The following CCT7 variants were observed in gnomAD, a reference collection of about 807,000 sequenced individuals.
CCT7 encodes chaperonin containing TCP1 subunit 7, also known as T-complex protein 1 subunit eta.
CCT7 carries 16 observed loss-of-function variants against 56.6 expected under a neutral mutation model. The observed-to-expected ratio is 0.28, with a 90% confidence interval of 0.19 to 0.43. The LOEUF (loss-of-function observed/expected upper bound fraction) is 0.43, where lower values mean the gene tolerates loss of function less well. Among genes scored for constraint, CCT7 ranks in the 20% least tolerant of loss-of-function variants. The pLI, the probability that CCT7 is intolerant of heterozygous loss-of-function variation, is 1.00. For missense variants in CCT7, 519 were observed against 685.6 expected, an observed-to-expected ratio of 0.76 and a Z score of 2.71; for synonymous variants, 262 against 254.8, an observed-to-expected ratio of 1.03 and a Z score of -0.27.
At chr2:73,236,497 C>T (rs1042258233) in intron 1 of CCT7, among the ~76,000 whole-genome samples, 7 of 152,148 alleles carry the variant, frequency 4.6e-5, no homozygotes, top group Non-Finnish European at 7.3e-5. Flanking sequence ...TACGCCACCA[C>T]GCCTGGCTAA....
chr2:73,249,224 A>C, intron 8 of CCT7, 45 bp downstream of exon 8: 1 of 1,513,490 alleles, frequency 6.6e-7, no homozygotes, highest in Non-Finnish European at 9.0e-7. Context: ...TGTGGCCCTG[A>C]AGGGTTTTCA....
intron 5 of CCT7, chr2:73,244,333 G>T (rs1157398210): frequency 1.7e-5 from 10 of 602,000 alleles, no homozygotes; most frequent in Non-Finnish European, 2.9e-5. Context: ...CACAAAAGAA[G>T]CTGTCGACTG....
intron 3 of CCT7, among the ~76,000 whole-genome samples, chr2:73,240,858 A>G (rs1035946723): frequency 6.6e-6 from 1 of 151,422 alleles, no homozygotes; most frequent in African/African-American, 2.4e-5. Context: ...CATCTCTTAC[A>G]AAATGGGGCT....
In CCT7 at chr2:73,249,004, T is replaced by C; in HGVS notation, c.797T>C (p.Ile266Thr). Reference protein sequence around the residue: ...RVHTVEDYQAIVDAEWNILYD... With the variant: ...RVHTVEDYQATVDAEWNILYD... Reference sequence around the variant, plus strand: ...GGGTCTCTCCAGGATTATCAGGCAATTGTTGATGCTGAGTGGAACATTCTC... The same window carrying C: ...GGGTCTCTCCAGGATTATCAGGCAACTGTTGATGCTGAGTGGAACATTCTC... The change falls in exon 8 of 12, where the codon ATT (isoleucine) becomes ACT (threonine). Residue 266 changes from isoleucine to threonine, a missense_variant. Around this residue, in one of 3 missense-constraint regions of CCT7, gnomAD observed 276 missense variants for 357.3 expected, o/e 0.77. Coordinates refer to ENST00000258091, the MANE Select transcript of CCT7 (RefSeq NM_006429.4). 2 of 1,612,524 alleles carry C rather than the reference T, an allele frequency of 1.2e-6. No individual in the cohort carries two copies. Among genetic ancestry groups the C allele is most frequent in the Non-Finnish European group, 1.7e-6 (2 of 1,179,558 alleles).
intron 7 of CCT7, among the ~76,000 whole-genome samples, 167 bp from the exon 8 acceptor site, chr2:73,248,824 G>T (rs1396777030): frequency 6.6e-6 from 1 of 152,176 alleles, no homozygotes; most frequent in African/African-American, 2.4e-5. Context: ...GTCATCTCAT[G>T]GGGTCCTTAT....
At chr2:73,248,480 A>T (rs111602114) in intron 7 of CCT7, among the ~76,000 whole-genome samples, 9,862 of 151,928 alleles carry the variant, frequency 0.065, 691 homozygotes, top group African/African-American at 0.18. Flanking sequence ...CCTTCTGAGT[A>T]GCTGGGATTA....
At chr2:73,243,806 T>C (rs993745974) in intron 4 of CCT7, 191 bp from the exon 5 acceptor site, 24 of 603,362 alleles carry the variant, frequency 4.0e-5, no homozygotes, top group African/African-American at 3.2e-4. Flanking sequence ...CATTTCTGAC[T>C]TGGAATTTTC....
intron 10 of CCT7, 43 bp from the exon 11 acceptor site, chr2:73,251,183 A>G (rs753877559): frequency 7.6e-6 from 12 of 1,584,166 alleles, no homozygotes; most frequent in Non-Finnish European, 1.0e-5. Context: ...GGAAGCTTGG[A>G]CCAGGGGCCC....
In CCT7 at chr2:73,244,061, G is replaced by T; in HGVS notation, c.446+12G>T. ...AAGGCAGATAAAGTGTAAGTCTGTA[G>T]TGGGTTTTTTTTTTTTTTTTTAAAG... On this transcript the variant is annotated intron_variant, in intron 5 of 11. Coordinates refer to ENST00000258091, the MANE Select transcript of CCT7 (RefSeq NM_006429.4). 1.3e-6 allele frequency: 2 copies of T among 1,572,282 alleles called. No homozygotes were observed. Among genetic ancestry groups the T allele is most frequent in the South Asian group, 1.2e-5 (1 of 85,236 alleles).
chr2:73,243,655 T>C (rs762543936), intron 4 of CCT7, among the ~76,000 whole-genome samples: 1 of 152,322 alleles, frequency 6.6e-6, no homozygotes, highest in Admixed American at 6.5e-5. Flanking sequence ...GAAGTTGTCG[T>C]AGGTGTTTTT....
chr2:73,247,712 T>G, intron 6 of CCT7, 50 bp from the exon 7 acceptor site: 2 of 1,564,826 alleles, frequency 1.3e-6, no homozygotes, highest in Non-Finnish European at 1.8e-6. Flanking sequence ...TAGCTTGATT[T>G]TATTTCATGT....
Position 73,247,940 on chromosome 2 carries a change from C to T in CCT7, c.783+14C>T. 1 of 1,609,464 alleles carries T rather than the reference C, an allele frequency of 6.2e-7. No individual in the cohort carries two copies. The highest frequency in any genetic ancestry group is 8.5e-7 in the Non-Finnish European group (1 of 1,176,018). On this transcript the variant is annotated intron_variant, in intron 7 of 11. Transcript: ENST00000258091. Reference sequence around the variant, plus strand: ...CACACAGTTGAGGTAGGTGGGTTCACCAGTTGGTGGGGGCATGGAAATGGG... The same window carrying T: ...CACACAGTTGAGGTAGGTGGGTTCATCAGTTGGTGGGGGCATGGAAATGGG...
chr2:73,245,916 C>T (rs1336960462), intron 6 of CCT7, among the ~76,000 whole-genome samples: 9 of 152,158 alleles, frequency 5.9e-5, no homozygotes, highest in African/African-American at 1.9e-4. Context: ...GCTTTAGTAG[C>T]GATTTTTCAT....
intron 10 of CCT7, 134 bp downstream of exon 10, chr2:73,250,572 T>G (rs1687536347): frequency 3.1e-6 from 3 of 983,160 alleles, no homozygotes; most frequent in Non-Finnish European, 4.6e-6. Context: ...GAGCCCTGAT[T>G]TGCCCCACAA....
chr2:73,234,534 C>A, intron 1 of CCT7, 150 bp downstream of exon 1: 1 of 957,608 alleles, frequency 1.0e-6, no homozygotes, highest in Admixed American at 2.2e-5. Flanking sequence ...CCCAGCCAGC[C>A]GCGGCCTGGC....
chr2:73,250,307 T>A lies in CCT7; in HGVS notation c.1072T>A (p.Tyr358Asn). ...FEETQIGGER[Y>N]NFFTGCPKAK... ...TGTACTGTTTAATCCTGGGCATAGG[T>A]ACAATTTTTTTACTGGCTGCCCCAA... The change falls in exon 10 of 12, where the codon TAC (tyrosine) becomes AAC (asparagine). Residue 358 changes from tyrosine to asparagine, a missense_variant and splice_region_variant. Coordinates refer to ENST00000258091, the MANE Select transcript of CCT7 (RefSeq NM_006429.4). 1 of 1,613,866 alleles carries A rather than the reference T, an allele frequency of 6.2e-7. No individual in the cohort carries two copies.
rs752157282 is a variant in CCT7, at chr2:73,252,654, T to C, written c.1425T>C (p.Tyr475=). The C allele has an allele frequency of 1.2e-6, 2 of 1,613,680 alleles. No individual in the cohort carries two copies. Among genetic ancestry groups the C allele is most frequent in the South Asian group, 1.1e-5 (1 of 91,058 alleles). Residue 475 remains tyrosine, a synonymous_variant, in exon 12 of 12, where the codon TAT becomes TAC. Coordinates refer to ENST00000258091, the MANE Select transcript of CCT7 (RefSeq NM_006429.4). The part of the protein sequence containing the change: ...RARHAQGGTW[Y]GVDINNEDIA... ...TACTCTTTTAGGGGGGTACATGGTA[T>C]GGAGTAGACATCAACAACGAGGACA...
At chr2:73,234,551 C>G (rs979755600) in intron 1 of CCT7, among the ~76,000 whole-genome samples, 167 bp downstream of exon 1, 1 of 152,232 alleles carries the variant, frequency 6.6e-6, no homozygotes, top group Non-Finnish European at 1.5e-5. Context: ...TGGCTCGGCC[C>G]GAGCACGGCG....
intron 11 of CCT7, 122 bp downstream of exon 11, chr2:73,251,554 C>A: frequency 2.5e-6 from 2 of 789,582 alleles, no homozygotes; most frequent in South Asian, 1.7e-5. Flanking sequence ...CTCCCCCCAG[C>A]CTGTCTGCCT....
Sources: allele counts gnomAD v4.1 joint callset (sites outside exome capture counted in the v4.1 genomes callset), GRCh38; gene constraint gnomAD v4.1.1; regional missense constraint gnomAD v4.1.1; transcripts MANE v1.5; gene names NCBI Gene and HGNC (gene_info 2026-07-23, HGNC 2026-07-21).